The following TRMT10B variants were observed in gnomAD, a reference collection of about 807,000 sequenced individuals.
The protein encoded by TRMT10B is tRNA methyltransferase 10B.
In TRMT10B, 33 loss-of-function variants were observed where a neutral mutation model predicts 43.8. That is an observed-to-expected ratio of 0.75 (90% CI 0.57 to 1.01). The LOEUF is 1.01. Among genes scored for constraint, TRMT10B ranks in the 50% least tolerant of loss-of-function variants. The pLI, the probability that TRMT10B is intolerant of heterozygous loss-of-function variation, is 0.00. For missense variants in TRMT10B, 362 were observed against 369.8 expected, an observed-to-expected ratio of 0.98 and a Z score of 0.17; for synonymous variants, 137 against 130.6, an observed-to-expected ratio of 1.05 and a Z score of -0.34.
chr9:37,754,455 G>A (rs758441760), intron 1 of TRMT10B, among the ~76,000 whole-genome samples: 1 of 152,184 alleles, frequency 6.6e-6, no homozygotes, highest in Non-Finnish European at 1.5e-5. Flanking sequence ...GATCTGCATA[G>A]GTCATTGTAT....
At chr9:37,762,397 T>C (rs992884977) in intron 2 of TRMT10B, 180 bp from the exon 3 acceptor site, 5 of 997,732 alleles carry the variant, frequency 5.0e-6, no homozygotes, top group African/African-American at 1.7e-5. Context: ...TCATGTCTCT[T>C]TTTCTGGGGC....
At position 37,762,066 on chromosome 9, in the gene TRMT10B, C is replaced by T. The variant is rs376250636; in HGVS notation, c.135C>T (p.Gly45=). 3.2e-5 allele frequency: 52 copies of T among 1,613,842 alleles called. No homozygotes were observed. Among genetic ancestry groups the T allele is most frequent in the African/African-American group, 2.1e-4 (16 of 74,890 alleles). The change falls in exon 2 of 9, where the codon GGC becomes GGT. Residue 45 remains glycine, a synonymous_variant. Transcript: ENST00000297994. ...AGCTTCTGCAGATCGATGCGGAAGGCGAGTGCCAGGAGGGAGAGATCCTGG... is the reference window on the plus strand; with the variant it reads ...AGCTTCTGCAGATCGATGCGGAAGGTGAGTGCCAGGAGGGAGAGATCCTGG... The part of the protein sequence containing the change: ...GFQLLQIDAE[G]ECQEGEILAT...
intron 7 of TRMT10B, among the ~76,000 whole-genome samples, chr9:37,774,243 C>T (rs975759102): frequency 2.0e-5 from 3 of 152,162 alleles, no homozygotes; most frequent in South Asian, 2.1e-4. Flanking sequence ...CTGAAGTTAC[C>T]CACCTGCCTC....
At chr9:37,768,277 G>A in intron 5 of TRMT10B, 49 bp downstream of exon 5, 1 of 1,509,438 alleles carries the variant, frequency 6.6e-7, no homozygotes, top group Non-Finnish European at 8.9e-7. Context: ...AAAAGTTATT[G>A]TGGTTAATAG....
At position 37,776,335 on chromosome 9, in the gene TRMT10B, A is replaced by C. The variant is rs762865316; in HGVS notation, c.774A>C (p.Pro258=). The C allele has an allele frequency of 1.2e-6, 2 of 1,612,490 alleles. No individual in the cohort carries two copies. The highest frequency in any genetic ancestry group is 3.3e-5 in the Admixed American group (2 of 59,800). ...REYSVKTARL[P]IQEYMVRNQN... ...ACTCTGTCAAGACCGCACGCTTGCC[A>C]ATCCAGGAATACATGGTCAGAAACC... The change falls in exon 8 of 9, where the codon CCA becomes CCC. Residue 258 remains proline, a synonymous_variant. Coordinates refer to ENST00000297994, the MANE Select transcript of TRMT10B (RefSeq NM_144964.4).
intron 7 of TRMT10B, among the ~76,000 whole-genome samples, chr9:37,773,640 C>T (rs1827819188): frequency 6.6e-6 from 1 of 152,180 alleles, no homozygotes; most frequent in Non-Finnish European, 1.5e-5. Flanking sequence ...TCGATACCAT[C>T]CTGGCCAACA....
intron 5 of TRMT10B, 88 bp downstream of exon 5, chr9:37,768,316 T>TA: frequency 7.1e-7 from 1 of 1,403,558 alleles, no homozygotes; most frequent in Non-Finnish European, 9.6e-7. Context: ...TCATATATGT[T>TA]ACATTTTCAG....
chr9:37,762,622 G>A lies in TRMT10B; in HGVS notation c.232G>A (p.Ala78Thr). Residue 78 changes from alanine (A) to threonine (T), a missense_variant, in exon 3 of 9, where the codon GCA (alanine) becomes ACA (threonine). Physicochemically the swap from Ala to Thr is moderately conservative, Grantham distance 58. Transcript: ENST00000297994. ...GAGACACTGGGAAAAGATAGTTGCAGCAAAGAAGAGCAAAAGAAAGCAAGA... is the reference window on the plus strand; with the variant it reads ...GAGACACTGGGAAAAGATAGTTGCAACAAAGAAGAGCAAAAGAAAGCAAGA... ...KQRHWEKIVA[A>T]KKSKRKQEKE... 6.3e-7 allele frequency: 1 copy of A among 1,597,132 alleles called. No homozygotes were observed. The highest frequency in any genetic ancestry group is 8.5e-7 in the Non-Finnish European group (1 of 1,170,968).
intron 1 of TRMT10B, among the ~76,000 whole-genome samples, chr9:37,758,459 A>G (rs1589006919): frequency 6.6e-6 from 1 of 152,168 alleles, no homozygotes; most frequent in Non-Finnish European, 1.5e-5. Flanking sequence ...AGAAAATACC[A>G]CGGGGATAGA....
intron 1 of TRMT10B, 83 bp from the exon 2 acceptor site, chr9:37,761,820 A>G (rs772245291): frequency 7.3e-5 from 72 of 988,458 alleles, no homozygotes; most frequent in Admixed American, 5.8e-4. Context: ...CAGTAACACA[A>G]TAACACTTTG....
intron 7 of TRMT10B, among the ~76,000 whole-genome samples, 177 bp from the exon 8 acceptor site, chr9:37,776,105 T>C (rs971520360): frequency 6.6e-6 from 1 of 152,182 alleles, no homozygotes; most frequent in African/African-American, 2.4e-5. Context: ...TGGAGGACTG[T>C]GGATGAGTGA....
At chr9:37,770,844 G>A in intron 7 of TRMT10B, 105 bp downstream of exon 7, 2 of 1,203,576 alleles carry the variant, frequency 1.7e-6, no homozygotes, top group East Asian at 2.7e-5. Context: ...GAACTCAGAG[G>A]GAACAGGAAG....
rs118059955 is a variant in TRMT10B at position 37,763,504 on chromosome 9, C to T, written c.296-125C>T. On this transcript the variant is annotated intron_variant, in intron 3 of 8. Coordinates refer to ENST00000297994, the MANE Select transcript of TRMT10B (RefSeq NM_144964.4). ...CACTCTGTGTAAATCTTCTAATGAACGAATACCTTACATCAGTATCAAGTT... is the reference window on the plus strand; with the variant it reads ...CACTCTGTGTAAATCTTCTAATGAATGAATACCTTACATCAGTATCAAGTT... 945 of 755,346 alleles carry T rather than the reference C, an allele frequency of 1.3e-3. 11 individuals are homozygous for T. The East Asian group carries it at 0.022, about 18-fold the overall frequency. The allele number at this position is 755,346 out of a possible 1,614,324, so 46.8% of individuals were successfully genotyped here. A position where few individuals can be genotyped will look rare whatever the true frequency, so the allele number is the denominator to read the frequency against.
At chr9:37,760,764 T>A (rs934182355) in intron 1 of TRMT10B, among the ~76,000 whole-genome samples, 36 of 152,326 alleles carry the variant, frequency 2.4e-4, no homozygotes, top group African/African-American at 7.7e-4. Flanking sequence ...ACATGAATCA[T>A]ACTACATAGA....
chr9:37,768,310 A>G, intron 5 of TRMT10B, 82 bp downstream of exon 5: 2 of 1,417,444 alleles, frequency 1.4e-6, no homozygotes, highest in South Asian at 1.4e-5. Context: ...ACTTTTTCAT[A>G]TATGTTACAT....
At chr9:37,767,634 G>A (rs1827135304) in intron 4 of TRMT10B, 1 of 150,546 alleles carries the variant, frequency 6.6e-6, no homozygotes. Context: ...TTTTATATAA[G>A]AGCATTGTCT....
Position 37,776,264 on chromosome 9 carries a change from TTAAC to T in TRMT10B, c.721-15_721-12del. 1 of 1,454,134 alleles carries T rather than the reference TTAAC, an allele frequency of 6.9e-7. No individual in the cohort carries two copies. Among genetic ancestry groups the T allele is most frequent in the South Asian group, 1.5e-5 (1 of 66,464 alleles). 90.1% of individuals were successfully genotyped at this position (1,454,134 alleles called of 1,614,324 possible). On this transcript the variant is annotated splice_polypyrimidine_tract_variant and intron_variant, in intron 7 of 8. Coordinates refer to ENST00000297994, the MANE Select transcript of TRMT10B (RefSeq NM_144964.4). ...TGTATAATTTTTATAAGAAAAATAT[TTAAC>T]TATATATTTACAGAAGGTGACATTT...
chr9:37,771,199 T>C (rs1024947606), intron 7 of TRMT10B, among the ~76,000 whole-genome samples: 1 of 151,758 alleles, frequency 6.6e-6, no homozygotes, highest in African/African-American at 2.4e-5. Context: ...ACTGGAATTT[T>C]GAAATGTTTG....
At chr9:37,761,125 T>C (rs1423136399) in intron 1 of TRMT10B, among the ~76,000 whole-genome samples, 1 of 152,230 alleles carries the variant, frequency 6.6e-6, no homozygotes, top group East Asian at 1.9e-4. Context: ...TGGTTTCATG[T>C]CACTCTACTA....
Sources: allele counts gnomAD v4.1 joint callset (sites outside exome capture counted in the v4.1 genomes callset), GRCh38; gene constraint gnomAD v4.1.1; transcripts MANE v1.5; gene names NCBI Gene and HGNC (gene_info 2026-07-23, HGNC 2026-07-21).